Variants in MDN1 observed in about 807,000 individuals in gnomAD.
MDN1 encodes midasin.
In MDN1, 266 loss-of-function variants were observed where a neutral mutation model predicts 669.2. The ratio of observed to expected loss-of-function variants is 0.40; its 90% CI spans 0.36 to 0.44. The LOEUF (loss-of-function observed/expected upper bound fraction) is 0.44, where lower values mean the gene tolerates loss of function less well. Ranked by LOEUF, MDN1 falls within the 20% of genes least tolerant of loss-of-function variation. The pLI is 1.00. For missense variants in MDN1, 5,940 were observed against 6,754.0 expected (o/e 0.88, Z 4.22); for synonymous variants, 2,385 against 2,457.1 (o/e 0.97, Z 0.87).
At chr6:89,783,728 C>A (rs1389755777) in intron 9 of MDN1, among the ~76,000 whole-genome samples, 1 of 152,126 alleles carries the variant, frequency 6.6e-6, no homozygotes, top group Non-Finnish European at 1.5e-5. Context: ...ATATGTGATG[C>A]CACCCCAGAC....
Position 89,692,812 on chromosome 6 carries a change from C to T in MDN1, c.10218G>A (p.Gln3406=). The change falls in exon 63 of 102, where the codon CAG becomes CAA. Residue 3406 remains glutamine, a synonymous_variant. Transcript: ENST00000369393. ...CCACCAGCCTCATGCCATGTTGTAACTGCAATATGGATGCCTGCAGTGGGC... is the reference window on the plus strand; with the variant it reads ...CCACCAGCCTCATGCCATGTTGTAATTGCAATATGGATGCCTGCAGTGGGC... ...AVSPLQASIL[Q]LQHGMRLVAS... is the part of the protein sequence containing the mutation. 6.2e-7 allele frequency: 1 copy of T among 1,614,208 alleles called. No individual in the cohort carries two copies. The highest frequency in any genetic ancestry group is 8.5e-7 in the Non-Finnish European group (1 of 1,180,026).
intron 65 of MDN1, 43 bp from the exon 66 acceptor site, chr6:89,688,851 T>C (rs768812937): frequency 9.3e-6 from 14 of 1,512,936 alleles, no homozygotes; most frequent in South Asian, 4.6e-5. Context: ...ATTCAGTAAG[T>C]TGATCTATCA....
Position 89,758,489 on chromosome 6 carries a change from C to T in MDN1, c.2606-138G>A, listed in dbSNP as rs138178043. 457 of 705,642 alleles carry T rather than the reference C, an allele frequency of 6.5e-4. 1 individual carries two copies. In the African/African-American group the frequency reaches 7.6e-3, roughly 12 times the overall value. The allele number at this position is 705,642 out of a possible 1,614,324, so 43.7% of individuals were successfully genotyped here. On this transcript the variant is annotated intron_variant, in intron 18 of 101. Transcript: ENST00000369393. ...AACCCCACTGAAATAACTTTCCAGACCTATGTATTCAATCTAATCTTATAC... is the reference window on the plus strand; with the variant it reads ...AACCCCACTGAAATAACTTTCCAGATCTATGTATTCAATCTAATCTTATAC...
At chr6:89,718,270 C>A in intron 43 of MDN1, 96 bp downstream of exon 43, 1 of 1,322,976 alleles carries the variant, frequency 7.6e-7, no homozygotes, top group South Asian at 1.4e-5. Flanking sequence ...TTAATAATTA[C>A]TAAATTAATA....
intron 50 of MDN1, among the ~76,000 whole-genome samples, chr6:89,710,480 G>A (rs1036324250): frequency 6.7e-6 from 1 of 150,294 alleles, no homozygotes; most frequent in Non-Finnish European, 1.5e-5. Context: ...AAGACCCTGG[G>A]CAACTTAGTA....
At chr6:89,712,486 T>A (rs1814010315) in intron 48 of MDN1, 89 bp downstream of exon 48, 5 of 1,302,952 alleles carry the variant, frequency 3.8e-6, no homozygotes, top group Admixed American at 1.8e-5. Flanking sequence ...CACAGAATGC[T>A]CCAGTTAAAT....
chr6:89,688,896 G>A (rs953275828), intron 65 of MDN1, 88 bp from the exon 66 acceptor site: 7 of 1,070,706 alleles, frequency 6.5e-6, no homozygotes, highest in African/African-American at 1.6e-5. Context: ...AGGGCCAGGT[G>A]CAGTGGCTCA....
chr6:89,805,795 A>C (rs1407860301), intron 1 of MDN1, among the ~76,000 whole-genome samples: 1 of 152,198 alleles, frequency 6.6e-6, no homozygotes, highest in African/African-American at 2.4e-5. Context: ...TATCAGTCTT[A>C]GTTCTGTCCT....
intron 36 of MDN1, among the ~76,000 whole-genome samples, 165 bp downstream of exon 36, chr6:89,728,766 C>T (rs1479497108): frequency 1.3e-5 from 2 of 152,142 alleles, no homozygotes; most frequent in Non-Finnish European, 2.9e-5. Context: ...GCACTCCAGC[C>T]TGGGCAACAG....
rs749410943 is a variant in MDN1, at chr6:89,690,035, T to A, written c.10858A>T (p.Met3620Leu). 4 of 1,614,224 alleles carry A rather than the reference T, an allele frequency of 2.5e-6. No homozygotes were observed. Among genetic ancestry groups the A allele is most frequent in the Non-Finnish European group, 2.5e-6 (3 of 1,180,032 alleles). ...TGGTGTATCAGCATTACTGCCTGCA[T>A]TGAATTCTGGGAGAGGAGAGCTGGG... is the stretch of plus-strand genomic sequence containing the variant. Reference protein sequence around the residue: ...TNPALLSQNSMQAVMLIHQQL... With the variant: ...TNPALLSQNSLQAVMLIHQQL... Residue 3620 changes from methionine to leucine, a missense_variant, in exon 65 of 102, where the codon ATG becomes TTG. Around this residue, in one of 5 missense-constraint regions of MDN1, gnomAD observed 2,280 missense variants for 2,576.3 expected, o/e 0.88. Transcript: ENST00000369393.
chr6:89,789,752 G>A, intron 7 of MDN1, 28 bp downstream of exon 7: 13 of 1,565,560 alleles, frequency 8.3e-6, no homozygotes, highest in African/African-American at 1.4e-5. Context: ...ATATATTAAG[G>A]GACAATGAAT....
At chr6:89,700,432 C>A in intron 56 of MDN1, 138 bp from the exon 57 acceptor site, 1 of 782,234 alleles carries the variant, frequency 1.3e-6, no homozygotes, top group Non-Finnish European at 2.0e-6. Flanking sequence ...CTTTGAGATT[C>A]TCATCTGTGA....
chr6:89,804,679 TA>T (rs1468126129), intron 1 of MDN1, among the ~76,000 whole-genome samples: 2 of 151,890 alleles, frequency 1.3e-5, no homozygotes, highest in African/African-American at 4.8e-5. Context: ...CTCTAATAAA[TA>T]AACAAAAAAC....
At position 89,790,423 on chromosome 6, in the gene MDN1, C is replaced by A. The variant is rs116304843; in HGVS notation, c.856-22G>T. On this transcript the variant is annotated intron_variant, in intron 5 of 101. Coordinates refer to ENST00000369393, the MANE Select transcript of MDN1 (RefSeq NM_014611.3). ...CACCCTAAAGAGGCAAGACAAAAGC[C>A]ATGTCAAGAAGAGTTCTTCCCCCAA... 3.1e-4 allele frequency: 503 copies of A among 1,613,464 alleles called. No individual in the cohort carries two copies. In the African/African-American group the frequency reaches 6.2e-3, roughly 20 times the overall value.
intron 59 of MDN1, among the ~76,000 whole-genome samples, chr6:89,697,207 T>A (rs934644036): frequency 2.0e-5 from 3 of 152,182 alleles, no homozygotes; most frequent in Non-Finnish European, 4.4e-5. Flanking sequence ...GAGGAATTAG[T>A]CAAAATGATG....
chr6:89,661,973 G>C, intron 87 of MDN1, 114 bp downstream of exon 87: 1 of 1,189,820 alleles, frequency 8.4e-7, no homozygotes, highest in Non-Finnish European at 1.2e-6. Flanking sequence ...ATGAGGTAAT[G>C]GGAGAGCAGT....
intron 37 of MDN1, among the ~76,000 whole-genome samples, chr6:89,727,115 T>C (rs1193520589): frequency 6.6e-6 from 1 of 152,158 alleles, no homozygotes; most frequent in Non-Finnish European, 1.5e-5. Flanking sequence ...AAATTCCCTC[T>C]CCTTGTTATC....
intron 50 of MDN1, among the ~76,000 whole-genome samples, chr6:89,709,725 G>C (rs1813753824): frequency 6.6e-6 from 1 of 152,090 alleles, no homozygotes; most frequent in Non-Finnish European, 1.5e-5. Flanking sequence ...ATCTGGTGTT[G>C]TGAAAATGCC....
chr6:89,815,832 C>A (rs1768787975), intron 1 of MDN1, among the ~76,000 whole-genome samples: 1 of 152,066 alleles, frequency 6.6e-6, no homozygotes, highest in Admixed American at 6.5e-5. Context: ...GTGCCAAGGC[C>A]CTTGGGGGCA....
Sources: allele counts gnomAD v4.1 joint callset (sites outside exome capture counted in the v4.1 genomes callset), GRCh38; gene constraint gnomAD v4.1.1; regional missense constraint gnomAD v4.1.1; transcripts MANE v1.5; gene names NCBI Gene and HGNC (gene_info 2026-07-23, HGNC 2026-07-21).